C10orf90: variants seen among roughly 807,000 people sequenced by gnomAD.
The protein encoded by C10orf90 is (E2-independent) E3 ubiquitin-conjugating enzyme FATS.
In C10orf90, 56 loss-of-function variants were observed where a neutral mutation model predicts 62.5. That is an observed-to-expected ratio of 0.90 (90% CI 0.72 to 1.12). The LOEUF (loss-of-function observed/expected upper bound fraction) is 1.12, where lower values mean the gene tolerates loss of function less well. Ranked by LOEUF, C10orf90 falls within the 50% of genes most tolerant of loss-of-function variation. The pLI is 0.00. For synonymous variants in C10orf90, 386 were observed against 340.4 expected, an observed-to-expected ratio of 1.13 and a Z score of -1.47; for missense variants, 970 against 880.4, an observed-to-expected ratio of 1.10 and a Z score of -1.29.
intron 2 of C10orf90, among the ~76,000 whole-genome samples, chr10:126,517,517 C>T (rs1425709500): frequency 6.6e-6 from 1 of 152,114 alleles, no homozygotes; most frequent in Non-Finnish European, 1.5e-5. Context: ...GGGGAACTGC[C>T]CCATACCCCA....
intron 2 of C10orf90, among the ~76,000 whole-genome samples, chr10:126,543,599 A>G (rs2133969413): frequency 6.6e-6 from 1 of 152,254 alleles, no homozygotes; most frequent in East Asian, 1.9e-4. Context: ...AGGTGACCCC[A>G]TTCCCTGAGA....
Position 126,426,141 on chromosome 10 carries a change from C to T in C10orf90, c.2253-51G>A, listed in dbSNP as rs150180990. On this transcript the variant is annotated intron_variant, in intron 8 of 9. Transcript: ENST00000488181. ...GAATGGTAGCTTGACAGCGTGCTCC[C>T]GCTGTGGGGCTGCATCCTGTCTTGA... 9.7e-5 allele frequency: 139 copies of T among 1,427,106 alleles called. No individual in the cohort carries two copies. The African/African-American group carries it at 1.4e-3, about 15-fold the overall frequency. The allele number at this position is 1,427,106 out of a possible 1,614,324, so 88.4% of individuals were successfully genotyped here. A position where few individuals can be genotyped will look rare whatever the true frequency, so the allele number is the denominator to read the frequency against.
intron 2 of C10orf90, among the ~76,000 whole-genome samples, chr10:126,624,714 C>G (rs1434743245): frequency 6.6e-6 from 1 of 152,104 alleles, no homozygotes; most frequent in Non-Finnish European, 1.5e-5. Flanking sequence ...GAAAGAGCAC[C>G]CATAGGTGTC....
At chr10:126,544,849 GA>G (rs11285813) in intron 2 of C10orf90, among the ~76,000 whole-genome samples, 141,852 of 152,036 alleles carry the variant, frequency 0.93, 66,263 homozygotes, top group African/African-American at 0.97. Flanking sequence ...AAGTGGTGGG[GA>G]GGACTTTGAT....
chr10:126,651,004 G>A (rs1329709022), intron 1 of C10orf90, among the ~76,000 whole-genome samples: 3 of 152,134 alleles, frequency 2.0e-5, no homozygotes. Flanking sequence ...ATTGATCTAC[G>A]AATTCCATCC....
Position 126,467,578 on chromosome 10 carries a change from C to T in C10orf90, c.1535-2592G>A, listed in dbSNP as rs367821863. Reference sequence around the variant, plus strand: ...GCCACTTATCCCGGGCATTTCCATTCACTGGACGGGCGCTTAAAGCCCCCG... The same window carrying T: ...GCCACTTATCCCGGGCATTTCCATTTACTGGACGGGCGCTTAAAGCCCCCG... On this transcript the variant is annotated intron_variant, in intron 4 of 9. Coordinates refer to ENST00000488181, the MANE Select transcript of C10orf90 (RefSeq NM_001350921.2). 5.3e-5 allele frequency among the ~76,000 whole-genome samples: 8 copies of T among 152,332 alleles called. No homozygotes were observed. The East Asian group carries it at 9.7e-4, about 18-fold the overall frequency.
At chr10:126,612,092 G>A (rs113172780) in intron 2 of C10orf90, among the ~76,000 whole-genome samples, 2,966 of 152,266 alleles carry the variant, frequency 0.019, 92 homozygotes, top group African/African-American at 0.068. Flanking sequence ...AGGCTGCGGC[G>A]GACAGATCAC....
At chr10:126,518,590 T>A (rs1358523317) in intron 2 of C10orf90, among the ~76,000 whole-genome samples, 1 of 152,108 alleles carries the variant, frequency 6.6e-6, no homozygotes, top group African/African-American at 2.4e-5. Context: ...ATGCTTTTAT[T>A]TTGAAAGTAA....
At chr10:126,429,903 T>A in intron 7 of C10orf90, 53 bp from the exon 8 acceptor site, 1 of 1,446,586 alleles carries the variant, frequency 6.9e-7, no homozygotes, top group Non-Finnish European at 9.7e-7. Flanking sequence ...TCTCACACAT[T>A]TCTAGAGAAA....
chr10:126,439,371 T>C (rs776315320), intron 7 of C10orf90, among the ~76,000 whole-genome samples: 3 of 152,132 alleles, frequency 2.0e-5, no homozygotes, highest in Non-Finnish European at 4.4e-5. Context: ...CTCCATCAAA[T>C]GTGCAGACAT....
At chr10:126,554,886 A>G (rs997779176) in intron 2 of C10orf90, among the ~76,000 whole-genome samples, 1 of 152,272 alleles carries the variant, frequency 6.6e-6, no homozygotes, top group African/African-American at 2.4e-5. Flanking sequence ...AAATGCAGAC[A>G]GGACAGCTGA....
intron 2 of C10orf90, among the ~76,000 whole-genome samples, chr10:126,622,599 C>T (rs910345797): frequency 3.3e-5 from 5 of 152,216 alleles, no homozygotes; most frequent in Admixed American, 6.5e-5. Context: ...TTTCTGGCCT[C>T]AACTGTCAAT....
At chr10:126,537,807 C>G (rs1318654098) in intron 2 of C10orf90, among the ~76,000 whole-genome samples, 1 of 152,146 alleles carries the variant, frequency 6.6e-6, no homozygotes, top group Non-Finnish European at 1.5e-5. Context: ...ATTGCATCCC[C>G]TCAAAATTCC....
intron 7 of C10orf90, among the ~76,000 whole-genome samples, chr10:126,439,392 C>A (rs1858153525): frequency 6.6e-6 from 1 of 151,986 alleles, no homozygotes; most frequent in South Asian, 2.1e-4. Context: ...CATTGCAAGG[C>A]AAAACAAAAC....
At chr10:126,666,545 G>C (rs11245085) in intron 1 of C10orf90, among the ~76,000 whole-genome samples, 4 of 152,074 alleles carry the variant, frequency 2.6e-5, no homozygotes, top group Admixed American at 1.3e-4. Context: ...GCATGAGCAC[G>C]AGGAGGGGTG....
intron 4 of C10orf90, among the ~76,000 whole-genome samples, chr10:126,501,969 C>CCA (rs149596544): frequency 6.7e-6 from 1 of 150,022 alleles, no homozygotes; most frequent in Non-Finnish European, 1.5e-5. Context: ...CACATATACA[C>CCA]CACACACACA....
chr10:126,627,030 C>T lies in C10orf90; in HGVS notation c.313+19535G>A, dbSNP rs139441550. Among the ~76,000 whole-genome samples, 452 of 124,532 alleles carry T rather than the reference C, an allele frequency of 3.6e-3. 2 individuals are homozygous for T. Among genetic ancestry groups the T allele is most frequent in the African/African-American group, 0.013 (434 of 32,334 alleles). 81.7% of individuals were successfully genotyped at this position (124,532 alleles called of 152,430 possible). On this transcript the variant is annotated intron_variant, in intron 2 of 9. Coordinates refer to ENST00000488181, the MANE Select transcript of C10orf90 (RefSeq NM_001350921.2). ...TTTTTTTTTTTTTGAGACGTAGTCT[C>T]GCTCTGTCACCCACGCTGGAGTGCA...
At chr10:126,587,047 A>G (rs937236503) in intron 2 of C10orf90, among the ~76,000 whole-genome samples, 1 of 152,128 alleles carries the variant, frequency 6.6e-6, no homozygotes, top group Non-Finnish European at 1.5e-5. Context: ...CGCCATTGTA[A>G]TAGCTGAAGA....
At chr10:126,655,179 A>G (rs1322479718) in intron 1 of C10orf90, among the ~76,000 whole-genome samples, 1 of 152,054 alleles carries the variant, frequency 6.6e-6, no homozygotes, top group African/African-American at 2.4e-5. Context: ...TTAGCTGGGC[A>G]TGGTGGCACG....
Sources: gnomAD v4.1 joint callset for allele counts (sites outside exome capture counted in the v4.1 genomes callset) on GRCh38, gnomAD v4.1.1 for gene constraint, MANE v1.5 for transcripts, NCBI Gene and HGNC (gene_info 2026-07-23, HGNC 2026-07-21) for gene names.